Variants in FDFT1 observed in about 807,000 individuals in gnomAD.
FDFT1 encodes the protein farnesyl-diphosphate farnesyltransferase 1, also known as squalene synthase.
A neutral mutation model predicts 46.8 loss-of-function variants in FDFT1; 68 were observed. The ratio of observed to expected loss-of-function variants is 1.45; its 90% CI spans 1.19 to 1.78. The LOEUF (loss-of-function observed/expected upper bound fraction) is 1.78, where lower values mean the gene tolerates loss of function less well. FDFT1 is among the 40% of genes most tolerant of loss of function. The pLI is 0.00. For missense variants in FDFT1, 928 were observed against 524.4 expected (o/e 1.77, Z -7.52); for synonymous variants, 351 against 185.1 (o/e 1.90, Z -7.28).
At chr8:11,817,017 G>C (rs904691773) in intron 3 of FDFT1, among the ~76,000 whole-genome samples, 2 of 152,096 alleles carry the variant, frequency 1.3e-5, no homozygotes, top group African/African-American at 4.8e-5. Context: ...GTCATAAATA[G>C]CTCCTTATTA....
intron 5 of FDFT1, among the ~76,000 whole-genome samples, chr8:11,828,522 C>T (rs1422727257): frequency 1.3e-5 from 2 of 152,162 alleles, no homozygotes; most frequent in Admixed American, 6.5e-5. Flanking sequence ...CTAGGCCAGC[C>T]CCTGACCACT....
intron 1 of FDFT1, among the ~76,000 whole-genome samples, chr8:11,796,563 G>A (rs1434976428): frequency 6.6e-6 from 1 of 152,196 alleles, no homozygotes; most frequent in Non-Finnish European, 1.5e-5. Flanking sequence ...GCAGGGGAGT[G>A]GGAAGCTTTA....
At position 11,838,444 on chromosome 8, in the gene FDFT1, C is replaced by A. The variant is rs763789568; in HGVS notation, c.1089C>A (p.Ile363=). ...DPSSSKTRQI[I]STIRTQNLPN... The stretch of plus-strand genomic sequence containing the variant: ...CTTCTAGCAAAACAAGGCAGATCAT[C>A]TCCACCATCCGGACGCAGAATCTTC... Residue 363 remains isoleucine (I), a synonymous_variant, in exon 8 of 8, where the codon ATC becomes ATA. Coordinates refer to ENST00000220584, the MANE Select transcript of FDFT1 (RefSeq NM_004462.5). 20 of 1,609,956 alleles carry A rather than the reference C, an allele frequency of 1.2e-5. No homozygotes were observed. The highest frequency in any genetic ancestry group is 1.7e-5 in the Non-Finnish European group (20 of 1,177,704).
upstream of FDFT1, chr8:11,802,249 C>T: frequency 7.9e-6 from 3 of 377,680 alleles, no homozygotes; most frequent in East Asian, 7.2e-5. Flanking sequence ...GGCCTTTTCA[C>T]GGTTTTAGGC....
rs531351171 is a variant in FDFT1 at position 11,818,018 on chromosome 8, A to C, written c.382-3732A>C. Among the ~76,000 whole-genome samples the C allele has an allele frequency of 2.0e-5, 3 of 152,240 alleles. No homozygotes were observed. The South Asian group carries it at 6.2e-4, about 32-fold the overall frequency. ...CATTTAGTGCTATAAATTTCCCTCT[A>C]CACACTGCTTTAAATGTGTCCCAGA... On this transcript the variant is annotated intron_variant, in intron 3 of 7. Coordinates refer to ENST00000220584, the MANE Select transcript of FDFT1 (RefSeq NM_004462.5).
At chr8:11,810,193 T>C (rs569025253) in intron 3 of FDFT1, among the ~76,000 whole-genome samples, 68 of 142,106 alleles carry the variant, frequency 4.8e-4, no homozygotes, top group African/African-American at 1.4e-3. Context: ...ACTGCTGTTA[T>C]TATCAGTATT....
intron 3 of FDFT1, among the ~76,000 whole-genome samples, chr8:11,820,677 C>T (rs149816578): frequency 6.4e-4 from 98 of 152,320 alleles, no homozygotes; most frequent in African/African-American, 2.3e-3. Flanking sequence ...CCCCCCGAGC[C>T]AGGCACTGGA....
chr8:11,826,297 C>A, intron 5 of FDFT1, 82 bp downstream of exon 5: 2 of 1,127,860 alleles, frequency 1.8e-6, no homozygotes, highest in Non-Finnish European at 2.5e-6. Flanking sequence ...TTGCGGGTGA[C>A]AGAAAAACAA....
chr8:11,807,386 T>C (rs2179011), intron 1 of FDFT1, among the ~76,000 whole-genome samples: 111,318 of 151,914 alleles, frequency 0.73, 40,835 homozygotes, highest in South Asian at 0.79. Flanking sequence ...TGCCCTCAAA[T>C]TCCTGGGCTC....
At chr8:11,832,221 C>T (rs1036641075) in intron 7 of FDFT1, among the ~76,000 whole-genome samples, 1 of 151,464 alleles carries the variant, frequency 6.6e-6, no homozygotes, top group Non-Finnish European at 1.5e-5. Context: ...AGAAAACTTA[C>T]CTTCTTAGGT....
upstream of FDFT1, among the ~76,000 whole-genome samples, chr8:11,799,265 T>G (rs1805865867): frequency 6.6e-6 from 1 of 152,214 alleles, no homozygotes; most frequent in African/African-American, 2.4e-5. Flanking sequence ...CTGAGATCAA[T>G]CTCTTGACCA....
rs868598995 is a variant in FDFT1, at chr8:11,831,658, G to T, written c.1020G>T (p.Gln340His). ...NMPAVKAIIYQYMEEIYHRIP... is the reference protein window; with the variant it reads ...NMPAVKAIIYHYMEEIYHRIP... ...CAGCTGTCAAAGCCATCATATATCA[G>T]TATATGGAAGAGGTGGGTTTTTATT... is the stretch of plus-strand genomic sequence containing the variant. The change falls in exon 7 of 8, where the codon CAG becomes CAT. Residue 340 changes from glutamine to histidine, a missense_variant. By Grantham distance (24) the Gln-to-His change is conservative (BLOSUM62 0). Transcript: ENST00000220584. 15 of 1,612,798 alleles carry T rather than the reference G, an allele frequency of 9.3e-6. No homozygotes were observed. The highest frequency in any genetic ancestry group is 1.2e-5 in the Non-Finnish European group (14 of 1,178,858).
At chr8:11,812,268 C>G (rs1231967968) in intron 3 of FDFT1, among the ~76,000 whole-genome samples, 2 of 152,226 alleles carry the variant, frequency 1.3e-5, no homozygotes, top group South Asian at 4.1e-4. Flanking sequence ...CCCACGTCTG[C>G]GTCCGCACAG....
At chr8:11,818,631 CTT>C (rs1182240634) in intron 3 of FDFT1, among the ~76,000 whole-genome samples, 4 of 151,732 alleles carry the variant, frequency 2.6e-5, no homozygotes, top group African/African-American at 9.7e-5. Flanking sequence ...TTCTTTGTCT[CTT>C]TTGATCTTAG....
Position 11,809,852 on chromosome 8 carries a change from T to G in FDFT1, c.381+2T>G. 1 of 1,609,286 alleles carries G rather than the reference T, an allele frequency of 6.2e-7. No individual in the cohort carries two copies. Among genetic ancestry groups the G allele is most frequent in the Non-Finnish European group, 8.5e-7 (1 of 1,176,604 alleles). Reference sequence around the variant, plus strand: ...CAGGTGCTGGAGGACTTCCCAACGGTGAGTGGGGTTACGCATCTTGTCTAC... The same window carrying G: ...CAGGTGCTGGAGGACTTCCCAACGGGGAGTGGGGTTACGCATCTTGTCTAC... On this transcript the variant is annotated splice_donor_variant, in intron 3 of 7. Transcript: ENST00000220584. LOFTEE classifies it high-confidence loss of function.
exon 1 of FDFT1, chr8:11,795,739 C>T (rs68166243): frequency 0.11 from 17,070 of 152,238 alleles, 1,060 homozygotes; most frequent in African/African-American, 0.14. Context: ...ACAACGAACC[C>T]ACTGGGAGAA....
In FDFT1 at chr8:11,826,095, C is replaced by T. The variant is rs762412283; in HGVS notation, c.582C>T (p.Asp194=). The change falls in exon 5 of 8, where the codon GAC becomes GAT. Residue 194 remains aspartate, a synonymous_variant. Transcript: ENST00000220584. Reference sequence around the variant, plus strand: ...TTTTCTCAGCCTCAGAGTTTGAAGACCCCTTAGTTGGTGAAGATACAGAAC... The same window carrying T: ...TTTTCTCAGCCTCAGAGTTTGAAGATCCCTTAGTTGGTGAAGATACAGAAC... ...SRLFSASEFE[D]PLVGEDTERA... The T allele has an allele frequency of 5.6e-6, 9 of 1,610,902 alleles. No homozygotes were observed. Among genetic ancestry groups the T allele is most frequent in the South Asian group, 5.5e-5 (5 of 90,904 alleles).
chr8:11,831,614 A>G lies in FDFT1; in HGVS notation c.976A>G (p.Met326Val). The G allele has an allele frequency of 1.2e-6, 2 of 1,614,066 alleles. No homozygotes were observed. Among genetic ancestry groups the G allele is most frequent in the Non-Finnish European group, 8.5e-7 (1 of 1,179,892 alleles). The change falls in exon 7 of 8, where the codon ATG (methionine) becomes GTG (valine). Residue 326 changes from methionine (M) to valine (V), a missense_variant. By Grantham distance (21) the Met-to-Val change is conservative. Coordinates refer to ENST00000220584, the MANE Select transcript of FDFT1 (RefSeq NM_004462.5). Reference sequence around the variant, plus strand: ...GAAAGGGCAAGCAGTGACCCTGATGATGGATGCCACCAATATGCCAGCTGT... The same window carrying G: ...GAAAGGGCAAGCAGTGACCCTGATGGTGGATGCCACCAATATGCCAGCTGT... ...IRKGQAVTLM[M>V]DATNMPAVKA... is the part of the protein sequence containing the mutation.
Position 11,834,921 on chromosome 8 carries a change from C to T in FDFT1, c.1032+3251C>T, listed in dbSNP as rs555135587. Among the ~76,000 whole-genome samples the T allele has an allele frequency of 4.5e-4, 68 of 152,264 alleles. 2 individuals carry two copies. The South Asian group carries it at 0.013, about 30-fold the overall frequency. On this transcript the variant is annotated intron_variant, in intron 7 of 7. Transcript: ENST00000220584. Reference sequence around the variant, plus strand: ...GGCAGATCACTTGAGGTAAGGAGTTCGAGACCAGCCTGGCCAATATGGCAA... The same window carrying T: ...GGCAGATCACTTGAGGTAAGGAGTTTGAGACCAGCCTGGCCAATATGGCAA...
Sources: gnomAD v4.1 joint callset for allele counts (sites outside exome capture counted in the v4.1 genomes callset) on GRCh38, gnomAD v4.1.1 for gene constraint, MANE v1.5 for transcripts, NCBI Gene and HGNC (gene_info 2026-07-23, HGNC 2026-07-21) for gene names.